GRID2: variants seen among roughly 807,000 people sequenced by gnomAD.
The protein encoded by GRID2 is glutamate ionotropic receptor delta type subunit 2.
A neutral mutation model predicts 114.8 loss-of-function variants in GRID2; 33 were observed. The observed-to-expected ratio is 0.29, with a 90% CI of 0.22 to 0.38. The LOEUF is 0.38. GRID2 is among the 10% of genes least tolerant of loss of function. The pLI, the probability that GRID2 is intolerant of heterozygous loss-of-function variation, is 1.00. For synonymous variants in GRID2, 505 were observed against 449.9 expected, an observed-to-expected ratio of 1.12 and a Z score of -1.55; for missense variants, 1,184 against 1,257.7, an observed-to-expected ratio of 0.94 and a Z score of 0.89.
At chr4:92,595,376 G>A (rs935208072) in intron 2 of GRID2, among the ~76,000 whole-genome samples, 6 of 151,770 alleles carry the variant, frequency 4.0e-5, no homozygotes, top group African/African-American at 1.4e-4. Flanking sequence ...ATGCAGTAAT[G>A]GGATTCATTA....
At chr4:92,520,072 T>G (rs1186456022) in intron 1 of GRID2, among the ~76,000 whole-genome samples, 1 of 151,826 alleles carries the variant, frequency 6.6e-6, no homozygotes, top group African/African-American at 2.4e-5. Context: ...AAGTCCACCC[T>G]TTGTCAACTT....
chr4:92,748,169 A>AT (rs1486331933), intron 2 of GRID2, among the ~76,000 whole-genome samples: 3 of 152,118 alleles, frequency 2.0e-5, no homozygotes, highest in Non-Finnish European at 4.4e-5. Flanking sequence ...TTCTGAATAC[A>AT]TTTTTTCTAT....
rs762078676 is a variant in GRID2 at position 93,092,239 on chromosome 4, T to C, written c.529+6960T>C. 1.1e-4 allele frequency among the ~76,000 whole-genome samples: 16 copies of C among 152,092 alleles called. 1 individual carries two copies. Among genetic ancestry groups the C allele is most frequent in the Admixed American group, 6.6e-5 (1 of 15,240 alleles). Reference sequence around the variant, plus strand: ...ATTGTTGAGCATCTTTTGCATACATTTGTCAGGCTGAAAATGGTCCAGTGA... The same window carrying C: ...ATTGTTGAGCATCTTTTGCATACATCTGTCAGGCTGAAAATGGTCCAGTGA... On this transcript the variant is annotated intron_variant, in intron 3 of 15. Coordinates refer to ENST00000282020, the MANE Select transcript of GRID2 (RefSeq NM_001510.4).
intron 2 of GRID2, among the ~76,000 whole-genome samples, chr4:92,724,531 C>G (rs1022614795): frequency 2.0e-5 from 3 of 152,272 alleles, no homozygotes; most frequent in South Asian, 2.1e-4. Context: ...TTTATAGCAT[C>G]CACCACGTGA....
At chr4:93,562,461 T>G (rs1205040248) in intron 13 of GRID2, among the ~76,000 whole-genome samples, 1 of 152,030 alleles carries the variant, frequency 6.6e-6, no homozygotes, top group African/African-American at 2.4e-5. Flanking sequence ...AGATGTGTCT[T>G]TTGCAAATAT....
intron 5 of GRID2, among the ~76,000 whole-genome samples, chr4:93,214,805 C>T (rs1743994226): frequency 6.6e-6 from 1 of 151,986 alleles, no homozygotes; most frequent in Non-Finnish European, 1.5e-5. Flanking sequence ...TCATTCCTTC[C>T]AGAATCATCA....
chr4:92,635,312 C>G (rs369590846), intron 2 of GRID2, among the ~76,000 whole-genome samples: 1 of 152,036 alleles, frequency 6.6e-6, no homozygotes, highest in Non-Finnish European at 1.5e-5. Context: ...ATCCTTGAGA[C>G]TAAAGATATG....
chr4:92,487,641 C>A (rs11936011), intron 1 of GRID2, among the ~76,000 whole-genome samples: 64 of 152,178 alleles, frequency 4.2e-4, no homozygotes, highest in African/African-American at 1.5e-3. Context: ...TATCCCACTC[C>A]CCTGTTTTCC....
At chr4:93,674,266 T>A (rs927414338) in intron 14 of GRID2, among the ~76,000 whole-genome samples, 4 of 152,194 alleles carry the variant, frequency 2.6e-5, no homozygotes, top group African/African-American at 9.7e-5. Context: ...GATAAGATCA[T>A]CATTCTAGTT....
At chr4:93,423,537 C>T (rs1174679168) in intron 10 of GRID2, among the ~76,000 whole-genome samples, 3 of 150,892 alleles carry the variant, frequency 2.0e-5, no homozygotes, top group Non-Finnish European at 3.0e-5. Context: ...TTAGTAGAGA[C>T]GGGGTTTCAC....
intron 1 of GRID2, among the ~76,000 whole-genome samples, chr4:92,572,255 C>T (rs1560719151): frequency 6.6e-6 from 1 of 152,146 alleles, no homozygotes; most frequent in Non-Finnish European, 1.5e-5. Flanking sequence ...CTATAAACAC[C>T]TCTCTGCAAA....
intron 2 of GRID2, among the ~76,000 whole-genome samples, chr4:92,914,536 CATT>C (rs1748636056): frequency 6.6e-6 from 1 of 152,076 alleles, no homozygotes; most frequent in Non-Finnish European, 1.5e-5. Context: ...GCCTAGTAAT[CATT>C]AGTTACTTTT....
At chr4:92,871,261 A>T (rs538897319) in intron 2 of GRID2, among the ~76,000 whole-genome samples, 244 of 150,790 alleles carry the variant, frequency 1.6e-3, no homozygotes, top group African/African-American at 5.3e-3. Flanking sequence ...TTTTTTTTTT[A>T]AAAGAACTAA....
chr4:92,406,227 A>G (rs999829070), intron 1 of GRID2, among the ~76,000 whole-genome samples: 2 of 152,204 alleles, frequency 1.3e-5, no homozygotes, highest in Non-Finnish European at 1.5e-5. Flanking sequence ...CTCCAATCCA[A>G]TCAAGTTGAC....
intron 8 of GRID2, among the ~76,000 whole-genome samples, chr4:93,347,615 T>C (rs1213602824): frequency 6.6e-6 from 1 of 152,140 alleles, no homozygotes; most frequent in Non-Finnish European, 1.5e-5. Context: ...TAACACTCTA[T>C]TAAGTCTACT....
At chr4:92,433,762 G>T (rs1732593721) in intron 1 of GRID2, among the ~76,000 whole-genome samples, 1 of 152,128 alleles carries the variant, frequency 6.6e-6, no homozygotes, top group Non-Finnish European at 1.5e-5. Context: ...TGGGGAGGAT[G>T]AATACTGAAG....
At chr4:93,510,736 T>C (rs1729084483) in intron 12 of GRID2, among the ~76,000 whole-genome samples, 1 of 151,942 alleles carries the variant, frequency 6.6e-6, no homozygotes, top group Non-Finnish European at 1.5e-5. Context: ...AAAATACCAA[T>C]AGAAATTATT....
intron 8 of GRID2, among the ~76,000 whole-genome samples, chr4:93,367,904 T>G (rs1762494922): frequency 6.6e-6 from 1 of 152,162 alleles, no homozygotes; most frequent in African/African-American, 2.4e-5. Context: ...TAACATAGGG[T>G]TGATTAAATT....
chr4:92,629,715 T>G (rs978155450), intron 2 of GRID2, among the ~76,000 whole-genome samples: 3 of 151,410 alleles, frequency 2.0e-5, no homozygotes, highest in Non-Finnish European at 4.4e-5. Flanking sequence ...ATTTTTAAAA[T>G]TTTAATAGCT....
Sources: gnomAD v4.1 joint callset for allele counts (sites outside exome capture counted in the v4.1 genomes callset) on GRCh38, gnomAD v4.1.1 for gene constraint, MANE v1.5 for transcripts, NCBI Gene and HGNC (gene_info 2026-07-23, HGNC 2026-07-21) for gene names.